Variants in CEP126 observed in about 807,000 individuals in gnomAD.
CEP126 encodes the protein centrosomal protein of 126 kDa.
A neutral mutation model predicts 107.8 loss-of-function variants in CEP126; 74 were observed. That is an observed-to-expected ratio of 0.69 (90% CI 0.57 to 0.83). The LOEUF is 0.83. Among genes scored for constraint, CEP126 ranks in the 40% least tolerant of loss-of-function variants. The pLI is 0.00. For synonymous variants in CEP126, 449 were observed against 446.0 expected, an observed-to-expected ratio of 1.01 and a Z score of -0.08; for missense variants, 1,237 against 1,281.9, an observed-to-expected ratio of 0.96 and a Z score of 0.53.
Position 101,948,015 on chromosome 11 carries a change from T to C in CEP126, c.395-16T>C, listed in dbSNP as rs768207144. The stretch of plus-strand genomic sequence containing the variant: ...TAAAGTGATTCTGTACTGTTCGGTC[T>C]TTATTATCTCTTTAGTTTCCCGAAA... On this transcript the variant is annotated splice_polypyrimidine_tract_variant and intron_variant, in intron 3 of 10. Coordinates refer to ENST00000263468, the MANE Select transcript of CEP126 (RefSeq NM_020802.4). 2 of 1,495,930 alleles carry C rather than the reference T, an allele frequency of 1.3e-6. No homozygotes were observed. Among genetic ancestry groups the C allele is most frequent in the Non-Finnish European group, 1.9e-6 (2 of 1,076,024 alleles). 92.7% of individuals were successfully genotyped at this position (1,495,930 alleles called of 1,614,324 possible).
At position 101,915,053 on chromosome 11, in the gene CEP126, C is replaced by T. The variant is rs925988987; in HGVS notation, c.-232C>T. On this transcript the variant is annotated 5_prime_UTR_variant, in exon 1 of 11. Coordinates refer to ENST00000263468, the MANE Select transcript of CEP126 (RefSeq NM_020802.4). The stretch of plus-strand genomic sequence containing the variant: ...AAGATGGCGGCTGCAGGGTTGCTGC[C>T]GCCCCATCTGCTATTGCCCGGCGAG... The T allele has an allele frequency of 1.2e-5, 6 of 505,634 alleles. No individual in the cohort carries two copies. Among genetic ancestry groups the T allele is most frequent in the South Asian group, 7.9e-5 (2 of 25,440 alleles). The allele number at this position is 505,634 out of a possible 1,614,324, so 31.3% of individuals were successfully genotyped here. A position where few individuals can be genotyped will look rare whatever the true frequency, so the allele number is the denominator to read the frequency against.
At chr11:101,992,157 A>T (rs895601352) in intron 9 of CEP126, among the ~76,000 whole-genome samples, 6 of 127,848 alleles carry the variant, frequency 4.7e-5, no homozygotes, top group Non-Finnish European at 1.1e-4. Flanking sequence ...TATTTTTAAA[A>T]AAAAATAAAA....
chr11:101,939,498 A>C (rs1303507320), intron 2 of CEP126, among the ~76,000 whole-genome samples: 1 of 152,186 alleles, frequency 6.6e-6, no homozygotes, highest in African/African-American at 2.4e-5. Context: ...TATATTTGCA[A>C]TTGGGTCTTA....
At chr11:101,970,867 G>T (rs1941119233) in intron 6 of CEP126, among the ~76,000 whole-genome samples, 1 of 152,182 alleles carries the variant, frequency 6.6e-6, no homozygotes, top group Non-Finnish European at 1.5e-5. Context: ...AGGAAACTGG[G>T]TCACAGAGGA....
chr11:101,961,727 C>CTT lies in CEP126; in HGVS notation c.706-6_706-5dup. The CTT allele has an allele frequency of 2.9e-6, 4 of 1,358,390 alleles. No homozygotes were observed. The highest frequency in any genetic ancestry group is 1.5e-5 in the African/African-American group (1 of 68,100). The allele number at this position is 1,358,390 out of a possible 1,614,324, so 84.1% of individuals were successfully genotyped here. The stretch of plus-strand genomic sequence containing the variant: ...AGTTTATAAGCTATAAAACAATGTT[C>CTT]TTTTTTTTTCCAGAAATTTTGTGAT... On this transcript the variant is annotated splice_polypyrimidine_tract_variant and intron_variant, in intron 5 of 10. Transcript: ENST00000263468.
intron 9 of CEP126, among the ~76,000 whole-genome samples, chr11:101,990,373 G>A (rs1238748958): frequency 6.6e-6 from 1 of 152,184 alleles, no homozygotes; most frequent in Non-Finnish European, 1.5e-5. Context: ...GACAGAGGCA[G>A]CGTACCTTCT....
intron 5 of CEP126, among the ~76,000 whole-genome samples, chr11:101,961,184 C>A (rs577988861): frequency 5.3e-5 from 8 of 151,998 alleles, no homozygotes; most frequent in African/African-American, 9.6e-5. Flanking sequence ...ATCAGCAGGA[C>A]CCAGGTATAG....
intron 6 of CEP126, 60 bp downstream of exon 6, chr11:101,963,940 A>G: frequency 1.8e-6 from 2 of 1,140,246 alleles, no homozygotes. Flanking sequence ...AAGTCATGTG[A>G]AATTGTTCCT....
intron 7 of CEP126, 48 bp from the exon 8 acceptor site, chr11:101,981,841 A>G (rs1223046597): frequency 7.0e-6 from 8 of 1,144,404 alleles, no homozygotes; most frequent in Non-Finnish European, 8.9e-6. Flanking sequence ...ACATATTATG[A>G]ATTTTAAATA....
rs141696044 is a variant in CEP126, at chr11:101,922,250, C to T, written c.129-391C>T. On this transcript the variant is annotated intron_variant, in intron 1 of 10. Transcript: ENST00000263468. Reference sequence around the variant, plus strand: ...CACAACCTTGGCTCACTGCAACCTCCGCCTCCCGGGTTCAAGCGATTCTCC... The same window carrying T: ...CACAACCTTGGCTCACTGCAACCTCTGCCTCCCGGGTTCAAGCGATTCTCC... Among the ~76,000 whole-genome samples, 708 of 150,802 alleles carry T rather than the reference C, an allele frequency of 4.7e-3. 3 individuals carry two copies. The highest frequency in any genetic ancestry group is 0.015 in the African/African-American group (627 of 40,998).
intron 1 of CEP126, chr11:101,916,110 G>C (rs1311379985): frequency 6.6e-6 from 1 of 152,228 alleles, no homozygotes; most frequent in Non-Finnish European, 1.5e-5. Context: ...TTCCTTTAGA[G>C]ACTGTTGTGA....
chr11:101,940,065 A>T (rs1940643112), intron 2 of CEP126, among the ~76,000 whole-genome samples: 1 of 152,218 alleles, frequency 6.6e-6, no homozygotes, highest in Non-Finnish European at 1.5e-5. Flanking sequence ...ATAGTGCTCT[A>T]AAAGAAAAAT....
intron 8 of CEP126, among the ~76,000 whole-genome samples, chr11:101,983,411 A>G (rs1248087718): frequency 6.6e-6 from 1 of 152,234 alleles, no homozygotes; most frequent in African/African-American, 2.4e-5. Context: ...TAGGATTTCA[A>G]CCATGAAGTC....
intron 4 of CEP126, among the ~76,000 whole-genome samples, chr11:101,954,357 A>G (rs1940855873): frequency 6.6e-6 from 1 of 152,172 alleles, no homozygotes; most frequent in Non-Finnish European, 1.5e-5. Context: ...ACTCTTGTAG[A>G]ATGAAGAAAA....
intron 9 of CEP126, among the ~76,000 whole-genome samples, chr11:101,989,725 C>T (rs1004996603): frequency 1.3e-5 from 2 of 151,984 alleles, no homozygotes; most frequent in Non-Finnish European, 2.9e-5. Flanking sequence ...TTTGGGAGGC[C>T]GAGGCGGGCG....
chr11:101,981,207 T>C (rs1941250852), intron 7 of CEP126, among the ~76,000 whole-genome samples: 2 of 152,228 alleles, frequency 1.3e-5, no homozygotes, highest in African/African-American at 4.8e-5. Flanking sequence ...GTCAGATGCT[T>C]TTAGCTAATA....
At chr11:101,961,501 G>C (rs1460322788) in intron 5 of CEP126, among the ~76,000 whole-genome samples, 1 of 151,960 alleles carries the variant, frequency 6.6e-6, no homozygotes, top group African/African-American at 2.4e-5. Flanking sequence ...AGAATAAGCA[G>C]GTATTACTTT....
intron 6 of CEP126, among the ~76,000 whole-genome samples, chr11:101,968,506 G>C (rs1274079799): frequency 6.6e-6 from 1 of 152,178 alleles, no homozygotes; most frequent in Non-Finnish European, 1.5e-5. Context: ...TTGGAAGAGT[G>C]AGCTTTGTGA....
chr11:101,970,577 A>T (rs1322272602), intron 6 of CEP126, among the ~76,000 whole-genome samples: 1 of 151,880 alleles, frequency 6.6e-6, no homozygotes, highest in Admixed American at 6.6e-5. Flanking sequence ...AATGATGTTG[A>T]CACATTATTT....
Sources: gnomAD v4.1 joint callset for allele counts (sites outside exome capture counted in the v4.1 genomes callset) on GRCh38, gnomAD v4.1.1 for gene constraint, MANE v1.5 for transcripts, NCBI Gene and HGNC (gene_info 2026-07-23, HGNC 2026-07-21) for gene names.